Variants in RDX observed in about 807,000 individuals in gnomAD.
RDX encodes the protein radixin.
RDX carries 32 observed loss-of-function variants against 83.7 expected under a neutral mutation model. The ratio of observed to expected loss-of-function variants is 0.38; its 90% confidence interval spans 0.29 to 0.51. The LOEUF is 0.51. Ranked by LOEUF, RDX falls within the 20% of genes least tolerant of loss-of-function variation. The pLI is 0.87. For synonymous variants in RDX, 229 were observed against 222.7 expected (o/e 1.03, Z -0.25); for missense variants, 600 against 689.9 (o/e 0.87, Z 1.46).
intron 14 of RDX, among the ~76,000 whole-genome samples, chr11:110,207,780 G>A (rs1196150316): frequency 1.3e-5 from 2 of 152,136 alleles, no homozygotes; most frequent in Non-Finnish European, 1.5e-5. Context: ...GTATAGCTGG[G>A]ACAGAGACAA....
rs763527618 is a variant in RDX, at chr11:110,247,658, G to C, written c.1090+45C>G. On this transcript the variant is annotated intron_variant, in intron 10 of 13. Transcript: ENST00000645495. ...AAAAAAATACCACTATCTGACAACA[G>C]AGCAATAATAATTTTTAATCCATTT... 5 of 1,593,438 alleles carry C rather than the reference G, an allele frequency of 3.1e-6. No individual in the cohort carries two copies. In the South Asian group the frequency reaches 5.6e-5, roughly 18 times the overall value.
intron 2 of RDX, among the ~76,000 whole-genome samples, chr11:110,275,677 C>T (rs950038107): frequency 6.6e-6 from 1 of 151,702 alleles, no homozygotes. Context: ...TATTGTGGTT[C>T]GTCATTTTAC....
chr11:110,270,679 A>G (rs894912490), intron 3 of RDX, among the ~76,000 whole-genome samples: 4 of 152,232 alleles, frequency 2.6e-5, no homozygotes, highest in African/African-American at 9.6e-5. Context: ...AACTACAACT[A>G]TTGCAGGCAG....
intron 10 of RDX, among the ~76,000 whole-genome samples, chr11:110,242,644 T>A (rs1162945141): frequency 1.3e-5 from 2 of 152,154 alleles, no homozygotes; most frequent in Non-Finnish European, 2.9e-5. Context: ...GATAAGGCAA[T>A]AGCTATTTTG....
At chr11:110,292,582 T>C (rs940041452) in intron 1 of RDX, among the ~76,000 whole-genome samples, 4 of 152,092 alleles carry the variant, frequency 2.6e-5, no homozygotes, top group Non-Finnish European at 2.9e-5. Context: ...GGCTCAAAAC[T>C]GAAGAGCGCT....
At chr11:110,206,123 G>C (rs946087147) in intron 14 of RDX, among the ~76,000 whole-genome samples, 2 of 151,900 alleles carry the variant, frequency 1.3e-5, no homozygotes, top group African/African-American at 2.4e-5. Context: ...TGGGTGTGGT[G>C]GTGGGTCCCC....
intron 14 of RDX, among the ~76,000 whole-genome samples, chr11:110,207,176 G>A (rs904151891): frequency 1.3e-5 from 2 of 152,010 alleles, no homozygotes; most frequent in African/African-American, 2.4e-5. Context: ...GTTTCACCAC[G>A]TTAGCCAGGC....
chr11:110,266,565 TTTGC>T lies in RDX; in HGVS notation c.97-1695_97-1692del, dbSNP rs1368770500. Among the ~76,000 whole-genome samples, 5 of 151,944 alleles carry T rather than the reference TTTGC, an allele frequency of 3.3e-5. No homozygotes were observed. In the East Asian group the frequency reaches 5.8e-4, roughly 18 times the overall value. On this transcript the variant is annotated intron_variant, in intron 3 of 13. Coordinates refer to ENST00000645495, the MANE Select transcript of RDX (RefSeq NM_002906.4). The stretch of plus-strand genomic sequence containing the variant: ...ACATTCTTGGTTTTTTGTGGGAGTT[TTTGC>T]TTATTTTTTTTTTTTAAAGACAGGG...
At chr11:110,232,850 G>A (rs1469119596) in intron 13 of RDX, among the ~76,000 whole-genome samples, 5 of 152,144 alleles carry the variant, frequency 3.3e-5, no homozygotes, top group Non-Finnish European at 7.4e-5. Flanking sequence ...CCTGGCCTCA[G>A]GCAGTCCACC....
intron 3 of RDX, among the ~76,000 whole-genome samples, chr11:110,266,519 A>AT (rs146302306): frequency 0.04 from 6,098 of 152,152 alleles, 414 homozygotes; most frequent in African/African-American, 0.14. Flanking sequence ...GAAAGATTCA[A>AT]TATCAGTTCT....
intron 2 of RDX, among the ~76,000 whole-genome samples, chr11:110,279,472 G>C (rs1255523601): frequency 6.6e-6 from 1 of 152,192 alleles, no homozygotes; most frequent in African/African-American, 2.4e-5. Flanking sequence ...GTTGCAGTGA[G>C]CCGACATGGT....
At chr11:110,254,163 T>A in intron 8 of RDX, 54 bp from the exon 9 acceptor site, 2 of 1,435,456 alleles carry the variant, frequency 1.4e-6, no homozygotes, top group Admixed American at 1.7e-5. Flanking sequence ...CTGTCTCTCA[T>A]AACAATCTGT....
At chr11:110,279,289 T>C (rs1328303558) in intron 2 of RDX, among the ~76,000 whole-genome samples, 1 of 152,186 alleles carries the variant, frequency 6.6e-6, no homozygotes, top group East Asian at 1.9e-4. Flanking sequence ...CTAAGACAGT[T>C]TGACCTTAGA....
intron 10 of RDX, among the ~76,000 whole-genome samples, chr11:110,246,218 C>T (rs1859099601): frequency 6.6e-6 from 1 of 152,070 alleles, no homozygotes; most frequent in Non-Finnish European, 1.5e-5. Context: ...ATTTATTCTC[C>T]TAGAAGTATT....
intron 14 of RDX, among the ~76,000 whole-genome samples, chr11:110,220,006 C>T (rs1864190413): frequency 6.6e-6 from 1 of 152,148 alleles, no homozygotes; most frequent in Non-Finnish European, 1.5e-5. Flanking sequence ...ATTCATAACA[C>T]ACAAACACAT....
downstream of RDX, among the ~76,000 whole-genome samples, chr11:110,226,374 C>T (rs549665779): frequency 3.9e-5 from 6 of 152,138 alleles, no homozygotes; most frequent in South Asian, 2.1e-4. Context: ...AAACCAGACA[C>T]GAAAGGACAA....
At chr11:110,177,913 G>A (rs1862808198) in intron 15 of RDX, among the ~76,000 whole-genome samples, 1 of 151,946 alleles carries the variant, frequency 6.6e-6, no homozygotes, top group Non-Finnish European at 1.5e-5. Flanking sequence ...GACATTCCCT[G>A]TGCCCTCCCC....
At chr11:110,291,989 G>T (rs542183724) in intron 1 of RDX, among the ~76,000 whole-genome samples, 2 of 151,678 alleles carry the variant, frequency 1.3e-5, no homozygotes, top group East Asian at 1.9e-4. Context: ...CTACAAAAAG[G>T]CTTTTTAAAA....
intron 2 of RDX, among the ~76,000 whole-genome samples, chr11:110,278,108 G>A (rs962560943): frequency 6.6e-6 from 1 of 152,108 alleles, no homozygotes. Context: ...ATACATATGT[G>A]TATATGTGTG....
Sources: allele counts gnomAD v4.1 joint callset (sites outside exome capture counted in the v4.1 genomes callset), GRCh38; gene constraint gnomAD v4.1.1; transcripts MANE v1.5; gene names NCBI Gene and HGNC (gene_info 2026-07-23, HGNC 2026-07-21).